Variants in CHN2 observed in about 807,000 individuals in gnomAD.
CHN2 encodes chimerin 2.
CHN2 carries 35 observed loss-of-function variants against 56.3 expected under a neutral mutation model. The observed-to-expected ratio is 0.62, with a 90% CI of 0.47 to 0.82. The LOEUF is 0.82. Among genes scored for constraint, CHN2 ranks in the 40% least tolerant of loss-of-function variants. The probability of loss-of-function intolerance (pLI) is 0.00; values close to 1 mark genes in which losing one functional copy is unlikely to be tolerated. For missense variants in CHN2, 491 were observed against 580.5 expected, an observed-to-expected ratio of 0.85 and a Z score of 1.58; for synonymous variants, 210 against 212.8, an observed-to-expected ratio of 0.99 and a Z score of 0.12.
chr7:29,162,684 C>T (rs1160605348), intron 2 of CHN2, among the ~76,000 whole-genome samples: 1 of 142,604 alleles, frequency 7.0e-6, no homozygotes, highest in African/African-American at 2.6e-5. Context: ...AAAAAAAGAA[C>T]ATTATGACAA....
intron 6 of CHN2, among the ~76,000 whole-genome samples, chr7:29,438,019 A>T (rs1000610889): frequency 6.6e-6 from 1 of 152,182 alleles, no homozygotes; most frequent in Non-Finnish European, 1.5e-5. Context: ...CCTCACCCTT[A>T]TCTCTTAGTG....
intron 2 of CHN2, among the ~76,000 whole-genome samples, chr7:29,179,875 A>C (rs1404494076): frequency 1.3e-5 from 2 of 152,230 alleles, no homozygotes; most frequent in Non-Finnish European, 2.9e-5. Context: ...AAGCAAATCA[A>C]CTTAAGTATT....
intron 1 of CHN2, among the ~76,000 whole-genome samples, chr7:29,257,506 C>T (rs1334992325): frequency 1.3e-5 from 2 of 152,216 alleles, no homozygotes; most frequent in African/African-American, 2.4e-5. Flanking sequence ...CCTTTCCACT[C>T]CTCCACATAT....
intron 6 of CHN2, among the ~76,000 whole-genome samples, chr7:29,409,166 C>T (rs913245255): frequency 1.3e-5 from 2 of 152,132 alleles, no homozygotes; most frequent in Non-Finnish European, 2.9e-5. Flanking sequence ...GCTCTGCGGG[C>T]CTAGGACTTG....
At chr7:29,476,278 T>G (rs952391237) in intron 6 of CHN2, among the ~76,000 whole-genome samples, 7 of 152,178 alleles carry the variant, frequency 4.6e-5, no homozygotes, top group Admixed American at 6.5e-5. Context: ...GGCTCACACT[T>G]GTAATCCTAG....
intron 7 of CHN2, among the ~76,000 whole-genome samples, chr7:29,482,442 G>A (rs1434829916): frequency 6.6e-6 from 1 of 152,144 alleles, no homozygotes; most frequent in Non-Finnish European, 1.5e-5. Flanking sequence ...CTAACTCTAG[G>A]TGGAAACTTT....
At chr7:29,476,141 G>A (rs1023929413) in intron 6 of CHN2, among the ~76,000 whole-genome samples, 1 of 152,092 alleles carries the variant, frequency 6.6e-6, no homozygotes, top group African/African-American at 2.4e-5. Context: ...TGTGGCCATG[G>A]GCAAGTCACT....
At chr7:29,390,270 C>T (rs1444250383) in intron 3 of CHN2, among the ~76,000 whole-genome samples, 1 of 152,122 alleles carries the variant, frequency 6.6e-6, no homozygotes, top group Admixed American at 6.5e-5. Flanking sequence ...TGTAACACGA[C>T]TACATATTTT....
chr7:29,444,356 G>A lies in CHN2; in HGVS notation c.577-35923G>A, dbSNP rs184403799. ...GAAGCATTTGCCGATGATTCTGCAC[G>A]TTGGCCAGGGCTTTCAGAGATGGCT... On this transcript the variant is annotated intron_variant, in intron 6 of 12. Coordinates refer to ENST00000222792, the MANE Select transcript of CHN2 (RefSeq NM_004067.4). 9.2e-5 allele frequency among the ~76,000 whole-genome samples: 14 copies of A among 152,298 alleles called. No individual in the cohort carries two copies. The East Asian group carries it at 9.6e-4, about 10-fold the overall frequency.
chr7:29,219,719 T>C (rs1038094236), intron 1 of CHN2, among the ~76,000 whole-genome samples: 2 of 152,220 alleles, frequency 1.3e-5, no homozygotes, highest in Admixed American at 6.5e-5. Flanking sequence ...CATATTAATA[T>C]CAGGCAAAGT....
At chr7:29,366,614 A>C (rs1342997863) in intron 2 of CHN2, among the ~76,000 whole-genome samples, 3 of 152,092 alleles carry the variant, frequency 2.0e-5, no homozygotes, top group Non-Finnish European at 4.4e-5. Context: ...CCTTCTTTTT[A>C]TCTGTCATTT....
chr7:29,451,097 GAA>G (rs1784373006), intron 6 of CHN2, among the ~76,000 whole-genome samples: 5 of 152,088 alleles, frequency 3.3e-5, no homozygotes, highest in Admixed American at 3.3e-4. Context: ...TAATAAATAA[GAA>G]AGAGAGAGAA....
chr7:29,398,060 G>GT (rs1420326808), intron 4 of CHN2: 2 of 1,376 alleles, frequency 1.5e-3, no homozygotes, highest in East Asian at 0.033. Flanking sequence ...TAAAAAAAAG[G>GT]GGGGGGGGGG....
At chr7:29,468,847 C>A (rs536759010) in intron 6 of CHN2, among the ~76,000 whole-genome samples, 1 of 152,146 alleles carries the variant, frequency 6.6e-6, no homozygotes, top group Non-Finnish European at 1.5e-5. Flanking sequence ...ATTTTCTGAC[C>A]CCTTAATGAT....
intron 2 of CHN2, among the ~76,000 whole-genome samples, chr7:29,165,941 C>T (rs1795852206): frequency 6.6e-6 from 1 of 152,124 alleles, no homozygotes; most frequent in Non-Finnish European, 1.5e-5. Context: ...TCACAGGGGA[C>T]ATGATTTGTA....
chr7:29,213,424 CG>C (rs1282489533), intron 1 of CHN2, among the ~76,000 whole-genome samples: 2 of 152,038 alleles, frequency 1.3e-5, no homozygotes, highest in Non-Finnish European at 2.9e-5. Context: ...TTGGATCTTC[CG>C]GAGAAAAGAC....
intron 6 of CHN2, among the ~76,000 whole-genome samples, chr7:29,406,185 T>C (rs1417537825): frequency 6.6e-6 from 1 of 152,126 alleles, no homozygotes; most frequent in Non-Finnish European, 1.5e-5. Context: ...CCTGGGCCCC[T>C]TGGAGAAGCA....
chr7:29,194,854 C>T lies in CHN2; in HGVS notation c.-88C>T, dbSNP rs1264942355. The T allele has an allele frequency of 6.4e-6, 8 of 1,246,390 alleles. No homozygotes were observed. Among genetic ancestry groups the T allele is most frequent in the Non-Finnish European group, 8.3e-6 (8 of 967,404 alleles). 77.2% of individuals were successfully genotyped at this position (1,246,390 alleles called of 1,614,324 possible). A position where few individuals can be genotyped will look rare whatever the true frequency, so the allele number is the denominator to read the frequency against. On this transcript the variant is annotated 5_prime_UTR_variant, in exon 1 of 13. Transcript: ENST00000222792. ...CAGGACTTTGCCATGGGCTGGGGGC[C>T]GCGGAGGCTGCGAGCGGCCGGGCGA... is the stretch of plus-strand genomic sequence containing the variant.
chr7:29,305,607 G>T lies in CHN2; in HGVS notation c.50-49018G>T, dbSNP rs117238701. ...TTAGAGACTAGTAATCAAAGCAATT[G>T]TAGAGTTAGCTATTTGATTGGCATT... On this transcript the variant is annotated intron_variant, in intron 1 of 12. Coordinates refer to ENST00000222792, the MANE Select transcript of CHN2 (RefSeq NM_004067.4). 1.4e-3 allele frequency among the ~76,000 whole-genome samples: 213 copies of T among 152,272 alleles called. 1 individual carries two copies. Among genetic ancestry groups the T allele is most frequent in the Non-Finnish European group, 2.1e-3 (144 of 68,028 alleles).
Sources: gnomAD v4.1 joint callset for allele counts (sites outside exome capture counted in the v4.1 genomes callset) on GRCh38, gnomAD v4.1.1 for gene constraint, MANE v1.5 for transcripts, NCBI Gene and HGNC (gene_info 2026-07-23, HGNC 2026-07-21) for gene names.